The following PCDHAC1 variants were observed in gnomAD, a reference collection of about 807,000 sequenced individuals.
PCDHAC1 encodes protocadherin alpha-C1.
A neutral mutation model predicts 60.0 loss-of-function variants in PCDHAC1; 42 were observed. The ratio of observed to expected loss-of-function variants is 0.70; its 90% CI spans 0.55 to 0.90. The LOEUF is 0.90. Among genes scored for constraint, PCDHAC1 ranks in the 40% least tolerant of loss-of-function variants. The pLI, the probability that PCDHAC1 is intolerant of heterozygous loss-of-function variation, is 0.00. For synonymous variants in PCDHAC1, 468 were observed against 499.3 expected, an observed-to-expected ratio of 0.94 and a Z score of 0.84; for missense variants, 1,160 against 1,222.3, an observed-to-expected ratio of 0.95 and a Z score of 0.76.
chr5:141,000,603 T>C (rs1237883625), intron 3 of PCDHAC1, among the ~76,000 whole-genome samples: 1 of 150,986 alleles, frequency 6.6e-6, no homozygotes, highest in Admixed American at 6.6e-5. Flanking sequence ...AATTTTTGTA[T>C]TTTTAGTAGA....
chr5:140,950,959 T>C (rs969091651), intron 1 of PCDHAC1, among the ~76,000 whole-genome samples: 5 of 152,120 alleles, frequency 3.3e-5, no homozygotes, highest in Non-Finnish European at 5.9e-5. Context: ...TCTATTGATC[T>C]ATTTTCAGAT....
At chr5:140,973,858 C>G (rs1277402007) in intron 1 of PCDHAC1, among the ~76,000 whole-genome samples, 1 of 152,156 alleles carries the variant, frequency 6.6e-6, no homozygotes, top group Non-Finnish European at 1.5e-5. Flanking sequence ...AATTTTTGCT[C>G]TCAATGAGAG....
chr5:140,986,073 G>A (rs1428668406), intron 3 of PCDHAC1, among the ~76,000 whole-genome samples: 1 of 152,176 alleles, frequency 6.6e-6, no homozygotes, highest in East Asian at 1.9e-4. Context: ...TAAAGAAACT[G>A]TTCATTTATT....
chr5:140,947,569 A>G (rs2094145868), intron 1 of PCDHAC1, among the ~76,000 whole-genome samples: 1 of 151,666 alleles, frequency 6.6e-6, no homozygotes. Flanking sequence ...TATATTGGGA[A>G]TGTTTTTAAC....
chr5:140,991,253 C>T (rs912017745), intron 3 of PCDHAC1, among the ~76,000 whole-genome samples: 1 of 152,178 alleles, frequency 6.6e-6, no homozygotes, highest in East Asian at 1.9e-4. Context: ...AGTATTTGAA[C>T]TCATGTCTGC....
chr5:141,006,937 A>G (rs1341234151), intron 3 of PCDHAC1, among the ~76,000 whole-genome samples: 1 of 152,206 alleles, frequency 6.6e-6, no homozygotes, highest in Non-Finnish European at 1.5e-5. Context: ...AACTGGGGAT[A>G]CCAGATAGGC....
At chr5:140,999,526 C>A (rs1429753507) in intron 3 of PCDHAC1, among the ~76,000 whole-genome samples, 2 of 152,026 alleles carry the variant, frequency 1.3e-5, no homozygotes, top group Non-Finnish European at 2.9e-5. Context: ...TTTGTTACCC[C>A]CTGGATATGA....
At chr5:140,956,933 A>G (rs1243678543) in intron 1 of PCDHAC1, among the ~76,000 whole-genome samples, 1 of 151,594 alleles carries the variant, frequency 6.6e-6, no homozygotes, top group Non-Finnish European at 1.5e-5. Flanking sequence ...TGGATATAGG[A>G]TAAAATTTAC....
chr5:140,993,786 C>G (rs2097581960), intron 3 of PCDHAC1, among the ~76,000 whole-genome samples: 1 of 152,162 alleles, frequency 6.6e-6, no homozygotes, highest in Admixed American at 6.5e-5. Flanking sequence ...TGTACAGTAA[C>G]ATGCTGTGCA....
At chr5:140,965,400 G>A (rs782574003) in intron 1 of PCDHAC1, among the ~76,000 whole-genome samples, 1 of 152,154 alleles carries the variant, frequency 6.6e-6, no homozygotes, top group Non-Finnish European at 1.5e-5. Context: ...GAAGTCTAAG[G>A]AGTCTTATAT....
At chr5:140,985,391 C>T (rs2097149590) in intron 3 of PCDHAC1, among the ~76,000 whole-genome samples, 1 of 152,136 alleles carries the variant, frequency 6.6e-6, no homozygotes, top group Non-Finnish European at 1.5e-5. Context: ...TCCAGTCACC[C>T]CAACTGTTCC....
intron 1 of PCDHAC1, among the ~76,000 whole-genome samples, chr5:140,964,381 T>C (rs1008874330): frequency 1.3e-5 from 2 of 152,176 alleles, no homozygotes. Flanking sequence ...AGGAGAGTCC[T>C]GGTTTTTCTC....
At chr5:141,004,677 A>T (rs971713487) in intron 3 of PCDHAC1, among the ~76,000 whole-genome samples, 4 of 152,194 alleles carry the variant, frequency 2.6e-5, no homozygotes, top group African/African-American at 7.2e-5. Context: ...AGGACTGTGG[A>T]GTGGTGCTGA....
intron 1 of PCDHAC1, chr5:140,929,668 A>G (rs1554207270): frequency 3.1e-6 from 1 of 324,518 alleles, no homozygotes; most frequent in East Asian, 5.3e-5. Flanking sequence ...AAAGTGAAGA[A>G]TGAAAAATAT....
intron 3 of PCDHAC1, among the ~76,000 whole-genome samples, chr5:140,998,072 C>T (rs1554256158): frequency 6.6e-6 from 1 of 152,168 alleles, no homozygotes; most frequent in African/African-American, 2.4e-5. Context: ...CAGACTTAGC[C>T]TCTGCAGTTG....
rs927910920 is a variant in PCDHAC1, at chr5:140,928,602, G to A, written c.1710G>A (p.Val570=). The A allele has an allele frequency of 1.6e-5, 26 of 1,614,058 alleles. No homozygotes were observed. The highest frequency in any genetic ancestry group is 2.2e-5 in the Non-Finnish European group (26 of 1,180,028). Residue 570 remains valine (V), a synonymous_variant, in exon 1 of 4, where the codon GTG becomes GTA. Coordinates refer to ENST00000253807, the MANE Select transcript of PCDHAC1 (RefSeq NM_018898.5). The part of the protein sequence containing the change: ...PRNGSVPVEI[V]PRSARTGHLV... ...ATGGTTCTGTCCCAGTGGAAATTGT[G>A]CCCCGCTCTGCCAGGACTGGACACT...
At chr5:140,979,215 G>A (rs1463069868) in intron 2 of PCDHAC1, among the ~76,000 whole-genome samples, 5 of 152,178 alleles carry the variant, frequency 3.3e-5, no homozygotes, top group African/African-American at 4.8e-5. Context: ...TGGCATATAA[G>A]AGTCCTCTGT....
Position 140,928,672 on chromosome 5 carries a change from GC to G in PCDHAC1, c.1782del (p.Trp595GlyfsTer21), listed in dbSNP as rs1466783332. The G allele has an allele frequency of 6.2e-7, 1 of 1,614,058 alleles. No homozygotes were observed. The highest frequency in any genetic ancestry group is 2.2e-5 in the East Asian group (1 of 44,892). On this transcript the variant is annotated frameshift_variant, in exon 1 of 4. Transcript: ENST00000253807. LOFTEE classifies it high-confidence loss of function. ...AGAGGATGCTGACAGTGGTTCTAAT[GC>G]CTGGCTTTCCTACCACATCTCCCGG... The part of the protein sequence containing the change: ...VAEDADSGSN[A>X]WLSYHISRAS...
At chr5:140,982,675 T>C in intron 3 of PCDHAC1, 112 bp downstream of exon 3, 1 of 1,441,782 alleles carries the variant, frequency 6.9e-7, no homozygotes, top group Non-Finnish European at 9.1e-7. Flanking sequence ...ATTTTTGTTA[T>C]TCCCTTTTTT....
Sources: allele counts gnomAD v4.1 joint callset (sites outside exome capture counted in the v4.1 genomes callset), GRCh38; gene constraint gnomAD v4.1.1; transcripts MANE v1.5; gene names NCBI Gene and HGNC (gene_info 2026-07-23, HGNC 2026-07-21).